The following PAM variants were observed in gnomAD, a reference collection of about 807,000 sequenced individuals.
PAM encodes peptidylglycine alpha-amidating monooxygenase.
A neutral mutation model predicts 122.1 loss-of-function variants in PAM; 72 were observed. The ratio of observed to expected loss-of-function variants is 0.59; its 90% CI spans 0.49 to 0.72. The LOEUF is 0.72. PAM is among the 30% of genes least tolerant of loss of function. PAM has a pLI of 0.00. For missense variants in PAM, 1,106 were observed against 1,183.7 expected, an observed-to-expected ratio of 0.93 and a Z score of 0.96; for synonymous variants, 389 against 404.4, an observed-to-expected ratio of 0.96 and a Z score of 0.46.
In PAM at chr5:102,792,621, AG is replaced by A. The variant is rs532350618; in HGVS notation, c.-374+37275del. On this transcript the variant is annotated intron_variant, in intron 1 of 25. Coordinates refer to ENST00000438793, the MANE Select transcript of PAM (RefSeq NM_001177306.2). Reference sequence around the variant, plus strand: ...GAATGGGGCAGTGTAATAACATGAAAGGCTGATGACAAATTTAGTATTTGTA... The same window carrying A: ...GAATGGGGCAGTGTAATAACATGAAAGCTGATGACAAATTTAGTATTTGTA... 2.6e-4 allele frequency among the ~76,000 whole-genome samples: 40 copies of A among 152,340 alleles called. No homozygotes were observed. In the East Asian group the frequency reaches 7.3e-3, roughly 28 times the overall value.
At chr5:102,813,733 T>G (rs1246615686) in intron 1 of PAM, among the ~76,000 whole-genome samples, 3 of 152,198 alleles carry the variant, frequency 2.0e-5, no homozygotes, top group Admixed American at 1.3e-4. Flanking sequence ...GAACAATTTT[T>G]CCATTAACTC....
chr5:102,828,932 T>A (rs1774534328), intron 1 of PAM, among the ~76,000 whole-genome samples: 3 of 151,630 alleles, frequency 2.0e-5, no homozygotes, highest in Admixed American at 1.3e-4. Flanking sequence ...TTTTTTTTTT[T>A]TTTTTGAGAC....
At chr5:102,769,204 T>A (rs1241248025) in intron 1 of PAM, among the ~76,000 whole-genome samples, 4 of 152,156 alleles carry the variant, frequency 2.6e-5, no homozygotes, top group Non-Finnish European at 4.4e-5. Context: ...TTATCAGATT[T>A]TTTTTTCCAG....
chr5:103,028,183 A>C lies in PAM; in HGVS notation c.2688A>C (p.Ala896=). ...TTGAAATGTGCCATCTTTTTTTAGCAGATTCTGAACACAAACTCGAGACGA... is the reference window on the plus strand; with the variant it reads ...TTGAAATGTGCCATCTTTTTTTAGCCGATTCTGAACACAAACTCGAGACGA... The change falls in exon 25 of 26, where the codon GCA becomes GCC. Residue 896 remains alanine (A), a splice_region_variant and synonymous_variant. Coordinates refer to the PAM transcript ENST00000304400. 6.2e-7 allele frequency: 1 copy of C among 1,611,678 alleles called. No individual in the cohort carries two copies. The highest frequency in any genetic ancestry group is 8.5e-7 in the Non-Finnish European group (1 of 1,178,016).
chr5:103,013,214 C>G (rs913860175), intron 21 of PAM, among the ~76,000 whole-genome samples: 1 of 151,930 alleles, frequency 6.6e-6, no homozygotes, highest in African/African-American at 2.4e-5. Flanking sequence ...GAGTATCTTC[C>G]CTTCTTGTGT....
At chr5:102,763,490 C>A (rs764950339) in intron 1 of PAM, among the ~76,000 whole-genome samples, 1 of 152,028 alleles carries the variant, frequency 6.6e-6, no homozygotes, top group African/African-American at 2.4e-5. Flanking sequence ...AATTTACACA[C>A]GACAGCAACA....
At chr5:102,780,716 G>A (rs1187677559) in intron 1 of PAM, among the ~76,000 whole-genome samples, 2 of 151,632 alleles carry the variant, frequency 1.3e-5, no homozygotes, top group African/African-American at 4.8e-5. Flanking sequence ...ATTGCTCTAA[G>A]GCAGGTTTCT....
In PAM at chr5:103,024,374, T is replaced by C. The variant is rs552902812; in HGVS notation, c.2486-757T>C. Among the ~76,000 whole-genome samples the C allele has an allele frequency of 5.1e-3, 779 of 152,234 alleles. 2 individuals carry two copies. Among genetic ancestry groups the C allele is most frequent in the Non-Finnish European group, 9.1e-3 (622 of 68,006 alleles). On this transcript the variant is annotated intron_variant, in intron 23 of 25. Transcript: ENST00000438793. ...GATACCTACCCAGTACCTGCCAATG[T>C]TACAGAATAGTTTTAGTTATTATAA...
At chr5:103,023,825 T>C (rs2151335483) in intron 23 of PAM, among the ~76,000 whole-genome samples, 1 of 152,252 alleles carries the variant, frequency 6.6e-6, no homozygotes, top group South Asian at 2.1e-4. Flanking sequence ...GTGTAAGTAC[T>C]CAATAGATAT....
intron 7 of PAM, among the ~76,000 whole-genome samples, chr5:102,945,325 T>C (rs936458255): frequency 2.0e-5 from 3 of 151,988 alleles, no homozygotes; most frequent in Non-Finnish European, 4.4e-5. Flanking sequence ...TTGTGCAGGA[T>C]TGAAAAATAC....
At chr5:102,861,193 CTGG>C (rs1161528769) in intron 1 of PAM, among the ~76,000 whole-genome samples, 25 of 152,238 alleles carry the variant, frequency 1.6e-4, no homozygotes, top group Non-Finnish European at 3.5e-4. Flanking sequence ...GACTGCAGTT[CTGG>C]TTCACATCTA....
chr5:102,822,145 T>A (rs1772157220), intron 1 of PAM, among the ~76,000 whole-genome samples: 1 of 152,188 alleles, frequency 6.6e-6, no homozygotes, highest in African/African-American at 2.4e-5. Flanking sequence ...AACCAAATAA[T>A]AACGATTATG....
At chr5:102,921,595 G>C (rs767040961) in intron 5 of PAM, among the ~76,000 whole-genome samples, 1 of 151,904 alleles carries the variant, frequency 6.6e-6, no homozygotes, top group Non-Finnish European at 1.5e-5. Context: ...TGTAAAACAG[G>C]GTTTTAAAAA....
At chr5:102,959,595 T>C (rs1248268194) in intron 12 of PAM, among the ~76,000 whole-genome samples, 1 of 152,060 alleles carries the variant, frequency 6.6e-6, no homozygotes, top group Non-Finnish European at 1.5e-5. Context: ...GAAAGTACCA[T>C]ATTCCCTCAT....
At chr5:102,993,251 C>T (rs574822341) in intron 16 of PAM, among the ~76,000 whole-genome samples, 1 of 152,068 alleles carries the variant, frequency 6.6e-6, no homozygotes, top group Non-Finnish European at 1.5e-5. Context: ...CTTGTCTGCC[C>T]TGGTGTTAGG....
chr5:102,991,356 A>C (rs1391646114), intron 16 of PAM, among the ~76,000 whole-genome samples: 1 of 152,198 alleles, frequency 6.6e-6, no homozygotes, highest in Non-Finnish European at 1.5e-5. Flanking sequence ...CTTTTAAGTA[A>C]TGAATAGCCA....
At chr5:102,793,863 A>G (rs1459544205) in intron 1 of PAM, among the ~76,000 whole-genome samples, 1 of 152,216 alleles carries the variant, frequency 6.6e-6, no homozygotes, top group African/African-American at 2.4e-5. Flanking sequence ...AAACTTTTAA[A>G]GTCAGCAATA....
intron 1 of PAM, among the ~76,000 whole-genome samples, chr5:102,860,260 G>A (rs969671322): frequency 6.6e-6 from 1 of 152,150 alleles, no homozygotes; most frequent in African/African-American, 2.4e-5. Flanking sequence ...TCAGAGCCCA[G>A]ACAAGGTGAG....
intron 1 of PAM, among the ~76,000 whole-genome samples, chr5:102,821,572 A>G (rs577619329): frequency 6.6e-6 from 1 of 152,356 alleles, no homozygotes; most frequent in Admixed American, 6.5e-5. Context: ...ACTTTATTAA[A>G]TGTCGTTTGG....
Sources: allele counts gnomAD v4.1 joint callset (sites outside exome capture counted in the v4.1 genomes callset), GRCh38; gene constraint gnomAD v4.1.1; transcripts MANE v1.5; gene names NCBI Gene and HGNC (gene_info 2026-07-23, HGNC 2026-07-21).